The following ATP13A5 variants were observed in gnomAD, a reference collection of about 807,000 sequenced individuals.
ATP13A5 encodes the protein ATPase 13A5.
In ATP13A5, 149 loss-of-function variants were observed where a neutral mutation model predicts 150.2. The ratio of observed to expected loss-of-function variants is 0.99; its 90% CI spans 0.87 to 1.14. ATP13A5 has a LOEUF of 1.14. ATP13A5 is among the 50% of genes most tolerant of loss of function. ATP13A5 has a pLI of 0.00. For missense variants in ATP13A5, 1,383 were observed against 1,449.3 expected (o/e 0.95, Z 0.74); for synonymous variants, 497 against 522.2 (o/e 0.95, Z 0.66).
At chr3:193,373,974 A>T (rs1371392498) in intron 1 of ATP13A5, among the ~76,000 whole-genome samples, 1 of 152,162 alleles carries the variant, frequency 6.6e-6, no homozygotes, top group African/African-American at 2.4e-5. Context: ...GCAGAAGGGG[A>T]ACACAGATGG....
chr3:193,302,439 G>GT (rs571456877), intron 23 of ATP13A5, among the ~76,000 whole-genome samples: 92 of 152,056 alleles, frequency 6.1e-4, no homozygotes, highest in African/African-American at 2.1e-3. Context: ...CGATTTCATT[G>GT]TTTTTTTCTG....
At chr3:193,338,510 G>A (rs912483004) in intron 9 of ATP13A5, among the ~76,000 whole-genome samples, 1 of 152,116 alleles carries the variant, frequency 6.6e-6, no homozygotes, top group African/African-American at 2.4e-5. Flanking sequence ...TTTGTCTTTG[G>A]TTCTGTTTAT....
Position 193,274,980 on chromosome 3 carries a change from C to A in ATP13A5, c.*62G>T. 1 of 1,589,838 alleles carries A rather than the reference C, an allele frequency of 6.3e-7. No homozygotes were observed. Among genetic ancestry groups the A allele is most frequent in the Non-Finnish European group, 8.6e-7 (1 of 1,166,386 alleles). ...TAAGGGGAGAGTATCATCACTTCTC[C>A]ACAATGTGTTAATTTTGGGGAAAAA... is the stretch of plus-strand genomic sequence containing the variant. On this transcript the variant is annotated 3_prime_UTR_variant, in exon 30 of 30. Transcript: ENST00000342358.
chr3:193,327,259 T>C (rs1719499243), intron 12 of ATP13A5, among the ~76,000 whole-genome samples: 1 of 152,210 alleles, frequency 6.6e-6, no homozygotes, highest in Non-Finnish European at 1.5e-5. Flanking sequence ...AAAGACCATG[T>C]CGATAATTAG....
At chr3:193,301,725 G>A (rs1182146822) in intron 23 of ATP13A5, among the ~76,000 whole-genome samples, 2 of 152,152 alleles carry the variant, frequency 1.3e-5, no homozygotes, top group Admixed American at 6.5e-5. Context: ...TGCTTCCTGG[G>A]AATTGCATTG....
In ATP13A5 at chr3:193,369,082, A is replaced by AT. The variant is rs575229291; in HGVS notation, c.64-4803dup. On this transcript the variant is annotated intron_variant, in intron 1 of 29. Coordinates refer to ENST00000342358, the MANE Select transcript of ATP13A5 (RefSeq NM_198505.4). Reference sequence around the variant, plus strand: ...AACATAGAAATACGCTGTCTCTACAATTTTTTTTTTAATTAGCCAGCAATG... The same window carrying AT: ...AACATAGAAATACGCTGTCTCTACAATTTTTTTTTTTAATTAGCCAGCAATG... 4.1e-3 allele frequency among the ~76,000 whole-genome samples: 609 copies of AT among 149,634 alleles called. 1 individual carries two copies. Among genetic ancestry groups the AT allele is most frequent in the South Asian group, 0.012 (58 of 4,712 alleles).
intron 13 of ATP13A5, 139 bp downstream of exon 13, chr3:193,326,857 G>A: frequency 1.4e-6 from 1 of 718,536 alleles, no homozygotes; most frequent in Non-Finnish European, 2.4e-6. Flanking sequence ...AAGCAAGTTA[G>A]AATAATTAGG....
At chr3:193,326,656 T>A (rs1297221674) in intron 13 of ATP13A5, among the ~76,000 whole-genome samples, 1 of 152,222 alleles carries the variant, frequency 6.6e-6, no homozygotes, top group Non-Finnish European at 1.5e-5. Context: ...CGCTAGACTG[T>A]GAAACACCAC....
chr3:193,351,117 T>C lies in ATP13A5; in HGVS notation c.691A>G (p.Ile231Val). 6.2e-7 allele frequency: 1 copy of C among 1,613,824 alleles called. No homozygotes were observed. The highest frequency in any genetic ancestry group is 8.5e-7 in the Non-Finnish European group (1 of 1,179,774). Residue 231 changes from isoleucine to valine, a missense_variant, in exon 7 of 30, where the codon ATC becomes GTC. Physicochemically the swap from Ile to Val is conservative, Grantham distance 29 (BLOSUM62 3). This residue lies in a region of ATP13A5 where 787 missense variants were observed against 771.9 expected (regional missense o/e 1.02). Transcript: ENST00000342358. ...ACAATGGAGATAACAGTCAAAATGA[T>C]GATGGCCACAGAGTATTCTATGTAA... is the stretch of plus-strand genomic sequence containing the variant. ...QGYIEYSVAIIILTVISIVLS... is the reference protein window; with the variant it reads ...QGYIEYSVAIVILTVISIVLS...
At chr3:193,276,566 C>T (rs142655202) in intron 29 of ATP13A5, among the ~76,000 whole-genome samples, 184 bp downstream of exon 29, 11 of 152,306 alleles carry the variant, frequency 7.2e-5, no homozygotes, top group African/African-American at 2.6e-4. Context: ...TCTATGCAGA[C>T]TTCAAATAAT....
intron 6 of ATP13A5, among the ~76,000 whole-genome samples, chr3:193,351,767 A>G (rs1311270627): frequency 6.6e-6 from 1 of 152,218 alleles, no homozygotes; most frequent in African/African-American, 2.4e-5. Context: ...CTGGAGAGAA[A>G]TGTCTTCCCC....
intron 7 of ATP13A5, among the ~76,000 whole-genome samples, chr3:193,350,189 G>A (rs902693798): frequency 4.6e-5 from 7 of 151,862 alleles, no homozygotes; most frequent in African/African-American, 1.7e-4. Context: ...AATTAATAAA[G>A]ACATAAATCT....
Position 193,307,315 on chromosome 3 carries a change from A to T in ATP13A5, c.2568+12T>A, listed in dbSNP as rs375398862. 7.2e-5 allele frequency: 116 copies of T among 1,613,798 alleles called. No individual in the cohort carries two copies. The African/African-American group carries it at 1.4e-3, about 19-fold the overall frequency. On this transcript the variant is annotated intron_variant, in intron 22 of 29. Transcript: ENST00000342358. ...TGAGTGGCTTGTCTGAGCAAAAGCCATTTCTACTCACCCCACAGTCGTTAG... is the reference window on the plus strand; with the variant it reads ...TGAGTGGCTTGTCTGAGCAAAAGCCTTTTCTACTCACCCCACAGTCGTTAG...
In ATP13A5 at chr3:193,274,908, A is replaced by T; in HGVS notation, c.*134T>A. ...TCTAAGGTCCCTTGCTGCAAGGTTT[A>T]ATTCATTGAAAATATACTTTGAATG... On this transcript the variant is annotated 3_prime_UTR_variant, in exon 30 of 30. Coordinates refer to ENST00000342358, the MANE Select transcript of ATP13A5 (RefSeq NM_198505.4). The T allele has an allele frequency of 1.5e-6, 2 of 1,298,696 alleles. No homozygotes were observed. Among genetic ancestry groups the T allele is most frequent in the Non-Finnish European group, 2.1e-6 (2 of 935,360 alleles). 80.4% of individuals were successfully genotyped at this position (1,298,696 alleles called of 1,614,324 possible).
chr3:193,289,096 GTT>G (rs766044768), intron 26 of ATP13A5, among the ~76,000 whole-genome samples: 1 of 152,102 alleles, frequency 6.6e-6, no homozygotes, highest in Non-Finnish European at 1.5e-5. Flanking sequence ...TTTTCAATCT[GTT>G]TTACTGATTT....
chr3:193,276,734 A>G lies in ATP13A5; in HGVS notation c.3396+16T>C, dbSNP rs1275880191. 5 of 1,545,896 alleles carry G rather than the reference A, an allele frequency of 3.2e-6. No individual in the cohort carries two copies. The highest frequency in any genetic ancestry group is 2.2e-5 in the East Asian group (1 of 44,552). ...ATTTGTTTATCTTCCTAGAAAAAAT[A>G]TAGAGATTACTTTACCTCTACAAAG... On this transcript the variant is annotated intron_variant, in intron 29 of 29. Coordinates refer to ENST00000342358, the MANE Select transcript of ATP13A5 (RefSeq NM_198505.4).
chr3:193,304,106 TA>T (rs1718517983), intron 23 of ATP13A5, among the ~76,000 whole-genome samples: 1 of 152,190 alleles, frequency 6.6e-6, no homozygotes, highest in South Asian at 2.1e-4. Context: ...ACACTAGAGA[TA>T]GTAACCAAAG....
chr3:193,309,710 G>GTT (rs904211250), intron 21 of ATP13A5, among the ~76,000 whole-genome samples: 4 of 152,240 alleles, frequency 2.6e-5, no homozygotes, highest in Middle Eastern at 6.8e-3. Context: ...AATGGCCCCT[G>GTT]TCACAAGGAA....
At position 193,378,711 on chromosome 3, in the gene ATP13A5, A is replaced by G. The variant is rs1560157967; in HGVS notation, c.15T>C (p.Ser5=). ...TGAGCAAAGCCCGATGGTCCTTCTT[A>G]CTGTTCTCTTCCATCTGAACTCAAC... is the stretch of plus-strand genomic sequence containing the variant. MEEN[S]KKDHRALLNQ... The change falls in exon 1 of 30, where the codon AGT becomes AGC. Residue 5 remains serine (S), a synonymous_variant. Coordinates refer to ENST00000342358, the MANE Select transcript of ATP13A5 (RefSeq NM_198505.4). 6.2e-7 allele frequency: 1 copy of G among 1,613,758 alleles called. No individual in the cohort carries two copies. The highest frequency in any genetic ancestry group is 8.5e-7 in the Non-Finnish European group (1 of 1,179,808).
Sources: allele counts gnomAD v4.1 joint callset (sites outside exome capture counted in the v4.1 genomes callset), GRCh38; gene constraint gnomAD v4.1.1; regional missense constraint gnomAD v4.1.1; transcripts MANE v1.5; gene names NCBI Gene and HGNC (gene_info 2026-07-23, HGNC 2026-07-21).